SLC2A7: variants seen among roughly 807,000 people sequenced by gnomAD.
SLC2A7 encodes solute carrier family 2, facilitated glucose transporter member 7.
SLC2A7 carries 50 observed loss-of-function variants against 50.5 expected under a neutral mutation model. That is an observed-to-expected ratio of 0.99 (90% CI 0.79 to 1.25). The LOEUF (loss-of-function observed/expected upper bound fraction) is 1.25. Among genes scored for constraint, SLC2A7 ranks in the 50% most tolerant of loss-of-function variants. The pLI is 0.00. For missense variants in SLC2A7, 683 were observed against 679.1 expected (o/e 1.01, Z -0.06); for synonymous variants, 308 against 300.4 (o/e 1.03, Z -0.26).
the SLC2A7 span, among the ~76,000 whole-genome samples, chr1:8,994,168 C>T: frequency 6.6e-6 from 1 of 152,214 alleles, no homozygotes; most frequent in African/African-American, 2.4e-5. Context: ...CAAGTGTAAC[C>T]GTGAATCCAA....
intron 5 of SLC2A7, 133 bp downstream of exon 5, chr1:9,018,088 CCT>C (rs920292122): frequency 8.3e-7 from 1 of 1,205,466 alleles, no homozygotes; most frequent in African/African-American, 1.5e-5. Context: ...GTCACCCATC[CCT>C]TTGCCCACCA....
chr1:9,022,295 G>A (rs1377911355), intron 3 of SLC2A7, among the ~76,000 whole-genome samples: 1 of 152,196 alleles, frequency 6.6e-6, no homozygotes, highest in African/African-American at 2.4e-5. Context: ...CTGAGCCCAG[G>A]CTCACGCTTT....
At position 9,010,956 on chromosome 1, in the gene SLC2A7, G is replaced by A. The variant is rs1640740324; in HGVS notation, c.1015-712C>T. ...CTGGGAGTGAGTGCCTCTTTCATCT[G>A]CAAACCAACAATGCAGGCCCACACC... is the stretch of plus-strand genomic sequence containing the variant. On this transcript the variant is annotated intron_variant, in intron 8 of 11. Coordinates refer to ENST00000400906, the MANE Select transcript of SLC2A7 (RefSeq NM_207420.3). Among the ~76,000 whole-genome samples, 3 of 152,196 alleles carry A rather than the reference G, an allele frequency of 2.0e-5. No individual in the cohort carries two copies. The South Asian group carries it at 6.2e-4, about 32-fold the overall frequency.
rs865854251 is a variant in SLC2A7 at position 9,014,709 on chromosome 1, G to A, written c.875C>T (p.Ala292Val). 6.4e-7 allele frequency: 1 copy of A among 1,563,482 alleles called. No homozygotes were observed. The highest frequency in any genetic ancestry group is 8.7e-7 in the Non-Finnish European group (1 of 1,153,932). Residue 292 changes from alanine to valine, a missense_variant, in exon 7 of 12, where the codon GCC (alanine) becomes GTC (valine). Ala to Val is a moderately conservative substitution (Grantham distance 64). Transcript: ENST00000400906. ...WQLLSIIVLM[A>V]GQQLSGINAI... Reference sequence around the variant, plus strand: ...ATTGATGCCCGACAGCTGCTGGCCGGCCATGAGCACGATGATGGAGAGGAG... The same window carrying A: ...ATTGATGCCCGACAGCTGCTGGCCGACCATGAGCACGATGATGGAGAGGAG...
rs138250900 is a variant in SLC2A7 at position 9,010,137 on chromosome 1, T to C, written c.1116+6A>G. On this transcript the variant is annotated splice_donor_region_variant and intron_variant, in intron 9 of 11. Coordinates refer to ENST00000400906, the MANE Select transcript of SLC2A7 (RefSeq NM_207420.3). ...CCCACCCAGGGGGCAGGAAATGAGG[T>C]CAGACCTGGAATAGGAGCACCACCG... 5.1e-4 allele frequency: 785 copies of C among 1,551,120 alleles called. 3 individuals carry two copies. The highest frequency in any genetic ancestry group is 3.3e-3 in the Middle Eastern group (20 of 5,978).
the SLC2A7 span, among the ~76,000 whole-genome samples, chr1:8,995,068 G>A: frequency 7.1e-6 from 1 of 141,502 alleles, no homozygotes; most frequent in African/African-American, 2.8e-5. Flanking sequence ...ACCACGCCTG[G>A]CCAGATCTCC....
intron 9 of SLC2A7, among the ~76,000 whole-genome samples, chr1:9,007,896 G>A (rs368858060): frequency 6.6e-6 from 1 of 151,940 alleles, no homozygotes; most frequent in African/African-American, 2.4e-5. Flanking sequence ...CACCACGCCC[G>A]GCTTATATGA....
In SLC2A7 at chr1:9,007,184, G is replaced by C. The variant is rs1264891944; in HGVS notation, c.1192+126C>G. On this transcript the variant is annotated intron_variant, in intron 10 of 11. Transcript: ENST00000400906. ...AAGGCTGAGAACTAAGAACGTGTGGGATCTGCGTGAGCACGGGGACCAAGG... is the reference window on the plus strand; with the variant it reads ...AAGGCTGAGAACTAAGAACGTGTGGCATCTGCGTGAGCACGGGGACCAAGG... 2.8e-6 allele frequency: 3 copies of C among 1,063,320 alleles called. No homozygotes were observed. The African/African-American group carries it at 4.6e-5, about 16-fold the overall frequency. The allele number at this position is 1,063,320 out of a possible 1,614,324, so 65.9% of individuals were successfully genotyped here.
At chr1:9,023,209 C>T in intron 2 of SLC2A7, 131 bp from the exon 3 acceptor site, 1 of 817,878 alleles carries the variant, frequency 1.2e-6, no homozygotes, top group Middle Eastern at 2.5e-4. Context: ...ACAGTTAAAC[C>T]CACTGATTCC....
At chr1:9,015,314 G>T in intron 5 of SLC2A7, 72 bp from the exon 6 acceptor site, 4 of 1,471,204 alleles carry the variant, frequency 2.7e-6, no homozygotes, top group Non-Finnish European at 3.6e-6. Flanking sequence ...GTGCTCGGAA[G>T]GTCACGCTCC....
At chr1:9,003,646 T>G in intron 11 of SLC2A7, 128 bp from the exon 12 acceptor site, 1 of 758,440 alleles carries the variant, frequency 1.3e-6, no homozygotes, top group Non-Finnish European at 2.2e-6. Flanking sequence ...TCACCTGAGG[T>G]CAGGAGTTTG....
chr1:8,999,408 C>T (rs1332918962), downstream of SLC2A7, among the ~76,000 whole-genome samples: 1 of 152,214 alleles, frequency 6.6e-6, no homozygotes, highest in African/African-American at 2.4e-5. Context: ...CGTAACACCC[C>T]CTTACTATCC....
chr1:9,020,036 C>T (rs1034186760), intron 3 of SLC2A7, among the ~76,000 whole-genome samples: 1 of 152,232 alleles, frequency 6.6e-6, no homozygotes, highest in Non-Finnish European at 1.5e-5. Flanking sequence ...TCTTGAATTT[C>T]TATCCTGCAG....
rs374564551 is a variant in SLC2A7, at chr1:9,010,220, G to A, written c.1039C>T (p.Arg347Trp). The A allele has an allele frequency of 4.8e-5, 75 of 1,550,872 alleles. No individual in the cohort carries two copies. The African/African-American group carries it at 7.9e-4, about 16-fold the overall frequency. ...TAGCCGGCCAGCAGGAGGTGCCGCCGTCCCAGCCGCTCCACAAGGACAGCC... is the reference window on the plus strand; with the variant it reads ...TAGCCGGCCAGCAGGAGGTGCCGCCATCCCAGCCGCTCCACAAGGACAGCC... The part of the protein sequence containing the change: ...TSAVLVERLG[R>W]RHLLLAGYGI... Residue 347 changes from arginine to tryptophan, a missense_variant, in exon 9 of 12, where the codon CGG (arginine) becomes TGG (tryptophan). Coordinates refer to ENST00000400906, the MANE Select transcript of SLC2A7 (RefSeq NM_207420.3).
chr1:9,000,282 C>T (rs1013454751), downstream of SLC2A7, among the ~76,000 whole-genome samples: 1 of 152,116 alleles, frequency 6.6e-6, no homozygotes, highest in Non-Finnish European at 1.5e-5. Flanking sequence ...ATGATTGCCA[C>T]TGCACTCCAG....
chr1:9,004,236 G>C (rs528641074), intron 11 of SLC2A7, among the ~76,000 whole-genome samples: 35 of 151,038 alleles, frequency 2.3e-4, no homozygotes, highest in African/African-American at 8.5e-4. Flanking sequence ...GGGAGGCTGA[G>C]GTAGGAGGAT....
At position 9,019,235 on chromosome 1, in the gene SLC2A7, G is replaced by A; in HGVS notation, c.410C>T (p.Ser137Phe). ...VAKAFELIVF[S>F]RVVLGVCAGI... is the part of the protein sequence containing the mutation. ...TGCACAGACTCCCAGCACCACTCGG[G>A]AAAAGACGATCAGCTCAAAAGCCTT... is the stretch of plus-strand genomic sequence containing the variant. Residue 137 changes from serine (S) to phenylalanine (F), a missense_variant, in exon 4 of 12, where the codon TCC becomes TTC. Physicochemically the swap from Ser to Phe is radical, Grantham distance 155. Coordinates refer to ENST00000400906, the MANE Select transcript of SLC2A7 (RefSeq NM_207420.3). The A allele has an allele frequency of 6.2e-7, 1 of 1,614,072 alleles. No homozygotes were observed.
intron 6 of SLC2A7, 32 bp from the exon 7 acceptor site, chr1:9,014,900 C>A: frequency 1.3e-6 from 2 of 1,552,794 alleles, no homozygotes; most frequent in South Asian, 1.2e-5. Context: ...GCTCAGAGGG[C>A]CGTCTCCCTG....
chr1:8,996,603 G>A, the SLC2A7 span, among the ~76,000 whole-genome samples: 1 of 152,214 alleles, frequency 6.6e-6, no homozygotes, highest in African/African-American at 2.4e-5. Context: ...CTGGCAAGCT[G>A]CTTTTGGAAG....
Sources: allele counts gnomAD v4.1 joint callset (sites outside exome capture counted in the v4.1 genomes callset), GRCh38; gene constraint gnomAD v4.1.1; transcripts MANE v1.5; gene names NCBI Gene and HGNC (gene_info 2026-07-23, HGNC 2026-07-21).